TACR3: variants seen among roughly 807,000 people sequenced by gnomAD.
TACR3 encodes neuromedin-K receptor.
TACR3 carries 34 observed loss-of-function variants against 35.0 expected under a neutral mutation model. That is an observed-to-expected ratio of 0.97 (90% CI 0.74 to 1.30). The LOEUF (loss-of-function observed/expected upper bound fraction) is 1.30, where lower values mean the gene tolerates loss of function less well. Ranked by LOEUF, TACR3 falls within the 50% of genes most tolerant of loss-of-function variation. The pLI is 0.00. For synonymous variants in TACR3, 233 were observed against 221.1 expected (o/e 1.05, Z -0.48); for missense variants, 558 against 591.7 (o/e 0.94, Z 0.59).
chr4:103,708,185 G>A (rs1325605025), intron 1 of TACR3, among the ~76,000 whole-genome samples: 1 of 152,202 alleles, frequency 6.6e-6, no homozygotes, highest in Non-Finnish European at 1.5e-5. Flanking sequence ...TGAGATCTGA[G>A]CACGGACAGA....
intron 3 of TACR3, among the ~76,000 whole-genome samples, chr4:103,601,855 T>A (rs563344410): frequency 6.6e-6 from 1 of 152,198 alleles, no homozygotes; most frequent in Non-Finnish European, 1.5e-5. Context: ...AATCTGACAA[T>A]TATGTGTCTT....
intron 3 of TACR3, among the ~76,000 whole-genome samples, chr4:103,649,179 G>A (rs888030599): frequency 6.6e-6 from 1 of 151,984 alleles, no homozygotes; most frequent in African/African-American, 2.4e-5. Context: ...ATATATTCTG[G>A]TTATTAACTC....
chr4:103,649,558 A>T (rs909459062), intron 3 of TACR3, among the ~76,000 whole-genome samples: 2 of 151,958 alleles, frequency 1.3e-5, no homozygotes, highest in Non-Finnish European at 2.9e-5. Flanking sequence ...CTCTTACTGT[A>T]CATTTTCAAA....
chr4:103,633,891 AAAG>A (rs1725122608), intron 3 of TACR3, among the ~76,000 whole-genome samples: 1 of 151,750 alleles, frequency 6.6e-6, no homozygotes, highest in Non-Finnish European at 1.5e-5. Context: ...TTTTTTAAAA[AAAG>A]CAAGTCTTTC....
Position 103,650,701 on chromosome 4 carries a change from A to ATT in TACR3, c.888+5492_888+5493insAA, listed in dbSNP as rs1553971525. ...ATTATATCATATATAATATATATTTATATATATAAATATATATAAATAAAT... is the reference window on the plus strand; with the variant it reads ...ATTATATCATATATAATATATATTTATTTATATATAAATATATATAAATAAAT... On this transcript the variant is annotated intron_variant, in intron 3 of 4. Transcript: ENST00000304883. Among the ~76,000 whole-genome samples, 12 of 6,644 alleles carry ATT rather than the reference A, an allele frequency of 1.8e-3. No individual in the cohort carries two copies. The South Asian group carries it at 0.048, about 26-fold the overall frequency. 4.4% of individuals were successfully genotyped at this position (6,644 alleles called of 152,430 possible).
rs1723776087 is a variant in TACR3, at chr4:103,586,619, A to G, written c.*3063T>C. On this transcript the variant is annotated 3_prime_UTR_variant, in exon 5 of 5. Transcript: ENST00000304883. ...TATGTGCTTTGTAAGGGCGGGGTTCACTCTGAAATTGCTCAGTTCACTGTT... is the reference window on the plus strand; with the variant it reads ...TATGTGCTTTGTAAGGGCGGGGTTCGCTCTGAAATTGCTCAGTTCACTGTT... 6.6e-6 allele frequency: 1 copy of G among 152,004 alleles called. No individual in the cohort carries two copies. The highest frequency in any genetic ancestry group is 2.4e-5 in the African/African-American group (1 of 41,408). 9.4% of individuals were successfully genotyped at this position (152,004 alleles called of 1,614,324 possible). A position where few individuals can be genotyped will look rare whatever the true frequency, so the allele number is the denominator to read the frequency against.
Position 103,658,251 on chromosome 4 carries a change from A to G in TACR3, c.701T>C (p.Phe234Ser), listed in dbSNP as rs761347360. ...TTTGGGACCTTCTGGCCATTGCACA[A>G]AGCAGAGAGTACGGCCTGGCATGAC... ...TKVMPGRTLCFVQWPEGPKQH... is the reference protein window; with the variant it reads ...TKVMPGRTLCSVQWPEGPKQH... The change falls in exon 2 of 5, where the codon TTT (phenylalanine) becomes TCT (serine). Residue 234 changes from phenylalanine (F) to serine (S), a missense_variant. Phe to Ser is a radical substitution (Grantham distance 155). Transcript: ENST00000304883. 6.2e-7 allele frequency: 1 copy of G among 1,613,996 alleles called. No individual in the cohort carries two copies. The highest frequency in any genetic ancestry group is 8.5e-7 in the Non-Finnish European group (1 of 1,179,926).
intron 3 of TACR3, among the ~76,000 whole-genome samples, chr4:103,653,974 A>G (rs1725677715): frequency 6.6e-6 from 1 of 150,672 alleles, no homozygotes; most frequent in African/African-American, 2.5e-5. Context: ...CATCAGAGAA[A>G]TGCAAATCAA....
chr4:103,629,596 C>A (rs1001014592), intron 3 of TACR3, among the ~76,000 whole-genome samples: 1 of 151,936 alleles, frequency 6.6e-6, no homozygotes, highest in South Asian at 2.1e-4. Context: ...ATGTGGAGGA[C>A]CTCTTCAAGG....
chr4:103,675,205 T>C (rs1456071366), intron 1 of TACR3, among the ~76,000 whole-genome samples: 1 of 152,196 alleles, frequency 6.6e-6, no homozygotes, highest in Non-Finnish European at 1.5e-5. Flanking sequence ...AATGCTTGGA[T>C]CTTGAAATGT....
chr4:103,636,324 G>A (rs776928392), intron 3 of TACR3, among the ~76,000 whole-genome samples: 37 of 151,292 alleles, frequency 2.4e-4, no homozygotes, highest in Non-Finnish European at 4.7e-4. Flanking sequence ...TTACCTCAGT[G>A]CATCTCACTT....
At chr4:103,711,602 C>T (rs970330102) in intron 1 of TACR3, among the ~76,000 whole-genome samples, 32 of 152,286 alleles carry the variant, frequency 2.1e-4, no homozygotes, top group African/African-American at 7.7e-4. Context: ...GATGCCCTCT[C>T]TCAACACTCC....
At chr4:103,596,063 C>T (rs1436895296) in intron 3 of TACR3, among the ~76,000 whole-genome samples, 2 of 150,970 alleles carry the variant, frequency 1.3e-5, no homozygotes, top group African/African-American at 4.9e-5. Flanking sequence ...ATCCATGTCC[C>T]TACAAAGGAC....
At chr4:103,625,867 G>C (rs574015300) in intron 3 of TACR3, among the ~76,000 whole-genome samples, 1 of 152,060 alleles carries the variant, frequency 6.6e-6, no homozygotes, top group African/African-American at 2.4e-5. Context: ...GGTAAAATGA[G>C]ATCATACACC....
Position 103,606,251 on chromosome 4 carries a change from G to A in TACR3, c.889-14568C>T, listed in dbSNP as rs549507526. ...AGCCTTGTAGTATAGTTTGAAGTCA[G>A]GTAGTGTGATGCCTCCAGCTTTGTT... On this transcript the variant is annotated intron_variant, in intron 3 of 4. Coordinates refer to ENST00000304883, the MANE Select transcript of TACR3 (RefSeq NM_001059.3). 2.6e-4 allele frequency among the ~76,000 whole-genome samples: 40 copies of A among 151,894 alleles called. No individual in the cohort carries two copies. The East Asian group carries it at 5.8e-3, about 22-fold the overall frequency.
intron 1 of TACR3, among the ~76,000 whole-genome samples, chr4:103,718,588 T>C (rs545333575): frequency 6.6e-6 from 1 of 152,294 alleles, no homozygotes; most frequent in East Asian, 1.9e-4. Flanking sequence ...TCTTTGCTAG[T>C]TCTTGGTGAC....
chr4:103,608,549 G>A (rs1323557652), intron 3 of TACR3, among the ~76,000 whole-genome samples: 2 of 151,916 alleles, frequency 1.3e-5, no homozygotes, highest in Non-Finnish European at 2.9e-5. Flanking sequence ...CCGTGAATCT[G>A]AAATAAAAAA....
At chr4:103,601,925 G>A (rs1724212544) in intron 3 of TACR3, among the ~76,000 whole-genome samples, 1 of 152,172 alleles carries the variant, frequency 6.6e-6, no homozygotes, top group African/African-American at 2.4e-5. Flanking sequence ...GAGTTTGAAT[G>A]TTGGCCTGCT....
chr4:103,600,141 T>G (rs540372794), intron 3 of TACR3, among the ~76,000 whole-genome samples: 1 of 152,162 alleles, frequency 6.6e-6, no homozygotes, highest in Non-Finnish European at 1.5e-5. Flanking sequence ...CAGCCTGTTA[T>G]TGGTCTATTC....
Sources: allele counts gnomAD v4.1 joint callset (sites outside exome capture counted in the v4.1 genomes callset), GRCh38; gene constraint gnomAD v4.1.1; transcripts MANE v1.5; gene names NCBI Gene and HGNC (gene_info 2026-07-23, HGNC 2026-07-21).